Variants in TAFA1 observed in about 807,000 individuals in gnomAD.
TAFA1 encodes the protein chemokine-like protein TAFA-1.
A neutral mutation model predicts 18.5 loss-of-function variants in TAFA1; 4 were observed. The ratio of observed to expected loss-of-function variants is 0.22; its 90% CI spans 0.11 to 0.49. The LOEUF (loss-of-function observed/expected upper bound fraction) is 0.49, where lower values mean the gene tolerates loss of function less well. Ranked by LOEUF, TAFA1 falls within the 20% of genes least tolerant of loss-of-function variation. The pLI is 0.98. For synonymous variants in TAFA1, 56 were observed against 55.2 expected, an observed-to-expected ratio of 1.01 and a Z score of -0.06; for missense variants, 147 against 169.0, an observed-to-expected ratio of 0.87 and a Z score of 0.72.
At position 68,113,636 on chromosome 3, in the gene TAFA1, A is replaced by G. The variant is rs76899429; in HGVS notation, c.118+106892A>G. Among the ~76,000 whole-genome samples the G allele has an allele frequency of 1.6e-4, 24 of 152,324 alleles. 1 individual carries two copies. The East Asian group carries it at 4.6e-3, about 29-fold the overall frequency. On this transcript the variant is annotated intron_variant, in intron 2 of 4. Coordinates refer to ENST00000478136, the MANE Select transcript of TAFA1 (RefSeq NM_213609.4). Reference sequence around the variant, plus strand: ...CTCACGGCATGGAAGAAGAAATATGAAATGAAAATAATCATCAAAAGGTTT... The same window carrying G: ...CTCACGGCATGGAAGAAGAAATATGGAATGAAAATAATCATCAAAAGGTTT...
intron 3 of TAFA1, among the ~76,000 whole-genome samples, chr3:68,505,217 C>T (rs931605087): frequency 3.3e-5 from 5 of 152,076 alleles, no homozygotes; most frequent in Admixed American, 1.3e-4. Context: ...AAGTGTTCAA[C>T]CAAACACAAA....
At chr3:68,131,473 T>C (rs1019644925) in intron 2 of TAFA1, among the ~76,000 whole-genome samples, 1 of 152,210 alleles carries the variant, frequency 6.6e-6, no homozygotes, top group Non-Finnish European at 1.5e-5. Flanking sequence ...TGCATCCTTA[T>C]TTTTATTTTT....
At chr3:68,256,269 A>G (rs1179496742) in intron 2 of TAFA1, among the ~76,000 whole-genome samples, 2 of 152,128 alleles carry the variant, frequency 1.3e-5, no homozygotes, top group South Asian at 2.1e-4. Context: ...CTCACCTCAA[A>G]AAGTCTTCCT....
chr3:68,337,140 G>A (rs574081373), intron 2 of TAFA1, among the ~76,000 whole-genome samples: 54 of 152,278 alleles, frequency 3.5e-4, no homozygotes, highest in African/African-American at 1.3e-3. Flanking sequence ...CCTGAGGCTG[G>A]ATAATGTATT....
intron 2 of TAFA1, among the ~76,000 whole-genome samples, chr3:68,082,839 G>C (rs926844500): frequency 2.6e-5 from 4 of 152,196 alleles, no homozygotes; most frequent in Admixed American, 2.0e-4. Context: ...TAAATGGAAG[G>C]AAGTGGAGCT....
chr3:68,254,263 G>C (rs2067255914), intron 2 of TAFA1, among the ~76,000 whole-genome samples: 1 of 152,006 alleles, frequency 6.6e-6, no homozygotes, highest in Non-Finnish European at 1.5e-5. Context: ...CACAGAACAT[G>C]AGAATTCAAT....
chr3:68,482,143 T>G (rs2072249892), intron 3 of TAFA1, among the ~76,000 whole-genome samples: 1 of 152,232 alleles, frequency 6.6e-6, no homozygotes, highest in Non-Finnish European at 1.5e-5. Flanking sequence ...CCTGAGTAGC[T>G]GGGACTACAG....
At chr3:68,383,474 G>A (rs2070024405) in intron 2 of TAFA1, among the ~76,000 whole-genome samples, 4 of 152,084 alleles carry the variant, frequency 2.6e-5, no homozygotes, top group Admixed American at 2.6e-4. Context: ...TTTATGCGAT[G>A]AATCACATTT....
intron 4 of TAFA1, among the ~76,000 whole-genome samples, chr3:68,542,454 G>A (rs982831053): frequency 6.6e-5 from 10 of 151,978 alleles, no homozygotes; most frequent in East Asian, 1.9e-4. Context: ...TATCAAATAC[G>A]TAAGTTTGAA....
chr3:68,470,042 G>A (rs1208118953), intron 3 of TAFA1, among the ~76,000 whole-genome samples: 2 of 152,150 alleles, frequency 1.3e-5, no homozygotes, highest in East Asian at 3.9e-4. Context: ...TGTGTCAAGG[G>A]CAGGCCAGGT....
chr3:68,350,458 A>C (rs532325783), intron 2 of TAFA1, among the ~76,000 whole-genome samples: 1 of 152,202 alleles, frequency 6.6e-6, no homozygotes, highest in Admixed American at 6.5e-5. Flanking sequence ...GATGGGAGGG[A>C]TACATGCTTA....
At chr3:68,473,022 C>A (rs1038151812) in intron 3 of TAFA1, among the ~76,000 whole-genome samples, 1 of 152,194 alleles carries the variant, frequency 6.6e-6, no homozygotes, top group Admixed American at 6.5e-5. Context: ...TAAGAAATCT[C>A]GAAGTAATTG....
intron 3 of TAFA1, among the ~76,000 whole-genome samples, chr3:68,521,690 G>A (rs1188202073): frequency 6.6e-6 from 1 of 151,962 alleles, no homozygotes; most frequent in Admixed American, 6.6e-5. Flanking sequence ...TGATTTTCTT[G>A]TATTTGAGAA....
chr3:68,466,659 G>A (rs1225446456), intron 3 of TAFA1, among the ~76,000 whole-genome samples: 1 of 151,990 alleles, frequency 6.6e-6, no homozygotes, highest in Non-Finnish European at 1.5e-5. Context: ...GATAAACACT[G>A]TTTTCAAGTC....
intron 2 of TAFA1, among the ~76,000 whole-genome samples, chr3:68,168,106 G>A (rs1219523132): frequency 7.3e-6 from 1 of 136,576 alleles, no homozygotes; most frequent in Admixed American, 8.2e-5. Context: ...TGAAACTTTT[G>A]GTCTGTTTAT....
At chr3:68,486,307 T>TA (rs1350356071) in intron 3 of TAFA1, among the ~76,000 whole-genome samples, 18 of 151,588 alleles carry the variant, frequency 1.2e-4, no homozygotes, top group Middle Eastern at 3.4e-3. Context: ...GTTACTAAAT[T>TA]AAAAAAAAGC....
At chr3:68,400,888 C>G (rs2070474208) in intron 2 of TAFA1, among the ~76,000 whole-genome samples, 1 of 152,168 alleles carries the variant, frequency 6.6e-6, no homozygotes, top group African/African-American at 2.4e-5. Flanking sequence ...TTGACGAGAA[C>G]TGTGTCAGGT....
At chr3:68,216,414 G>T (rs567208477) in intron 2 of TAFA1, among the ~76,000 whole-genome samples, 5 of 152,214 alleles carry the variant, frequency 3.3e-5, no homozygotes, top group Admixed American at 3.3e-4. Context: ...ACTGAAGGCA[G>T]TGGGGGAAAA....
At chr3:68,183,493 AT>A (rs906478554) in intron 2 of TAFA1, among the ~76,000 whole-genome samples, 19 of 152,146 alleles carry the variant, frequency 1.2e-4, no homozygotes, top group Admixed American at 4.6e-4. Flanking sequence ...GACAAAGTAT[AT>A]TTTTGATGCA....
Sources: gnomAD v4.1 joint callset for allele counts (sites outside exome capture counted in the v4.1 genomes callset) on GRCh38, gnomAD v4.1.1 for gene constraint, MANE v1.5 for transcripts, NCBI Gene and HGNC (gene_info 2026-07-23, HGNC 2026-07-21) for gene names.